The following ADAMTSL1 variants were observed in gnomAD, a reference collection of about 807,000 sequenced individuals.
The protein encoded by ADAMTSL1 is ADAMTS-like protein 1.
A neutral mutation model predicts 201.8 loss-of-function variants in ADAMTSL1; 126 were observed. The observed-to-expected ratio is 0.62, with a 90% confidence interval of 0.54 to 0.72. ADAMTSL1 has a LOEUF of 0.72. Among genes scored for constraint, ADAMTSL1 ranks in the 30% least tolerant of loss-of-function variants. The pLI is 0.00. For synonymous variants in ADAMTSL1, 1,121 were observed against 903.4 expected, an observed-to-expected ratio of 1.24 and a Z score of -4.32; for missense variants, 2,679 against 2,277.8, an observed-to-expected ratio of 1.18 and a Z score of -3.59.
intron 2 of ADAMTSL1, among the ~76,000 whole-genome samples, chr9:18,206,409 A>T (rs888726674): frequency 6.6e-6 from 1 of 151,996 alleles, no homozygotes; most frequent in East Asian, 1.9e-4. Context: ...CCCTATCTCA[A>T]ATTTCCTTCA....
At chr9:18,859,446 C>G (rs1318458040) in intron 23 of ADAMTSL1, among the ~76,000 whole-genome samples, 1 of 152,206 alleles carries the variant, frequency 6.6e-6, no homozygotes, top group Non-Finnish European at 1.5e-5. Context: ...TTCTTAATCA[C>G]ATTTGCAAAG....
chr9:18,792,725 A>C (rs1588119119), intron 19 of ADAMTSL1, among the ~76,000 whole-genome samples: 1 of 152,330 alleles, frequency 6.6e-6, no homozygotes, highest in East Asian at 1.9e-4. Flanking sequence ...TTTCTAATCT[A>C]AAACAGCTTG....
chr9:18,436,856 T>C (rs1819756991), intron 2 of ADAMTSL1, among the ~76,000 whole-genome samples: 3 of 152,078 alleles, frequency 2.0e-5, no homozygotes, highest in Admixed American at 6.5e-5. Flanking sequence ...CCTGCAAAAA[T>C]GTTTGTTGCA....
chr9:18,477,429 C>T (rs1211544414), intron 1 of ADAMTSL1, among the ~76,000 whole-genome samples: 1 of 152,106 alleles, frequency 6.6e-6, no homozygotes, highest in South Asian at 2.1e-4. Flanking sequence ...CACAATAGCC[C>T]ATTCCCTTCA....
At chr9:18,323,854 G>A (rs112433665) in intron 2 of ADAMTSL1, among the ~76,000 whole-genome samples, 2 of 152,162 alleles carry the variant, frequency 1.3e-5, no homozygotes, top group Admixed American at 6.5e-5. Flanking sequence ...GGAAAGATAT[G>A]CCATGTACGT....
At chr9:18,495,788 A>G (rs1822505104) in intron 1 of ADAMTSL1, among the ~76,000 whole-genome samples, 1 of 152,082 alleles carries the variant, frequency 6.6e-6, no homozygotes, top group African/African-American at 2.4e-5. Flanking sequence ...TACCTATTTG[A>G]GCTGGAGAAC....
chr9:18,392,091 T>A (rs556492835), intron 2 of ADAMTSL1, among the ~76,000 whole-genome samples: 61 of 152,236 alleles, frequency 4.0e-4, no homozygotes, highest in African/African-American at 1.4e-3. Flanking sequence ...CCCAAAGTGC[T>A]GGGATTACAG....
chr9:18,283,293 T>A (rs1458247154), intron 2 of ADAMTSL1, among the ~76,000 whole-genome samples: 1 of 152,134 alleles, frequency 6.6e-6, no homozygotes, highest in East Asian at 1.9e-4. Flanking sequence ...GTGATGTATT[T>A]TTCCATCCTT....
chr9:18,827,162 TA>T lies in ADAMTSL1; in HGVS notation c.4114+714del, dbSNP rs5896812. On this transcript the variant is annotated intron_variant, in intron 22 of 28. Transcript: ENST00000380548. ...AGTCTGGGTGCTAGGGAGATAAAGT[TA>T]AAAAAAAAAAAAAATTTTTTTTGGC... 6.9e-3 allele frequency among the ~76,000 whole-genome samples: 982 copies of T among 143,088 alleles called. 5 individuals carry two copies. The highest frequency in any genetic ancestry group is 7.7e-3 in the African/African-American group (295 of 38,346). The allele number at this position is 143,088 out of a possible 152,430, so 93.9% of individuals were successfully genotyped here. A position where few individuals can be genotyped will look rare whatever the true frequency, so the allele number is the denominator to read the frequency against.
chr9:18,188,359 A>T (rs1185740756), intron 2 of ADAMTSL1, among the ~76,000 whole-genome samples: 1 of 152,092 alleles, frequency 6.6e-6, no homozygotes, highest in East Asian at 1.9e-4. Flanking sequence ...GGGATTTTGA[A>T]TTCTATGGGG....
intron 1 of ADAMTSL1, among the ~76,000 whole-genome samples, chr9:18,137,773 C>CT (rs1379018022): frequency 6.6e-6 from 1 of 152,080 alleles, no homozygotes; most frequent in Non-Finnish European, 1.5e-5. Context: ...ATTAAAGGCC[C>CT]TTTTAGTAGC....
At chr9:18,790,859 GGAGTATT>G (rs1821991772) in intron 19 of ADAMTSL1, among the ~76,000 whole-genome samples, 1 of 152,150 alleles carries the variant, frequency 6.6e-6, no homozygotes, top group Non-Finnish European at 1.5e-5. Flanking sequence ...AGGAAGTCAA[GGAGTATT>G]GATATACCTA....
chr9:18,190,159 G>A (rs191963255), intron 2 of ADAMTSL1, among the ~76,000 whole-genome samples: 46 of 152,308 alleles, frequency 3.0e-4, no homozygotes, highest in African/African-American at 1.1e-3. Flanking sequence ...GTGTAGCATA[G>A]TCCTCCAACT....
intron 23 of ADAMTSL1, among the ~76,000 whole-genome samples, chr9:18,869,602 A>C (rs568300503): frequency 6.6e-6 from 1 of 152,218 alleles, no homozygotes; most frequent in African/African-American, 2.4e-5. Context: ...TTCCGGGTTC[A>C]CCAGTTTATG....
chr9:18,129,419 C>T (rs1825860803), intron 1 of ADAMTSL1, among the ~76,000 whole-genome samples: 1 of 152,096 alleles, frequency 6.6e-6, no homozygotes, highest in South Asian at 2.1e-4. Context: ...TTTGTTGATG[C>T]CAAGTTGAAG....
intron 16 of ADAMTSL1, among the ~76,000 whole-genome samples, chr9:18,765,710 G>A (rs1588068529): frequency 1.3e-5 from 2 of 152,086 alleles, no homozygotes; most frequent in East Asian, 1.9e-4. Flanking sequence ...GATATACTGG[G>A]GAAAAGTTTT....
chr9:17,940,966 A>G (rs937920322), intron 1 of ADAMTSL1, among the ~76,000 whole-genome samples: 1 of 151,856 alleles, frequency 6.6e-6, no homozygotes, highest in African/African-American at 2.4e-5. Context: ...CATTTCCTAC[A>G]AATCCTACAA....
intron 23 of ADAMTSL1, among the ~76,000 whole-genome samples, chr9:18,837,872 G>C (rs181882659): frequency 2.3e-4 from 35 of 152,228 alleles, no homozygotes; most frequent in Admixed American, 2.0e-3. Flanking sequence ...TATTGGAAAG[G>C]ACACCAAGGT....
intron 1 of ADAMTSL1, among the ~76,000 whole-genome samples, chr9:18,075,903 C>A (rs1008584585): frequency 2.0e-5 from 3 of 152,156 alleles, no homozygotes; most frequent in African/African-American, 7.2e-5. Context: ...AATACCAAGT[C>A]CCAAACCAGC....
Sources: gnomAD v4.1 joint callset for allele counts (sites outside exome capture counted in the v4.1 genomes callset) on GRCh38, gnomAD v4.1.1 for gene constraint, MANE v1.5 for transcripts, NCBI Gene and HGNC (gene_info 2026-07-23, HGNC 2026-07-21) for gene names.